Variants in AUTS2 observed in about 807,000 individuals in gnomAD.
AUTS2 encodes activator of transcription and developmental regulator AUTS2.
AUTS2 carries 17 observed loss-of-function variants against 112.4 expected under a neutral mutation model. The observed-to-expected ratio is 0.15, with a 90% CI of 0.10 to 0.23. The LOEUF (loss-of-function observed/expected upper bound fraction) is 0.23. AUTS2 is among the 10% of genes least tolerant of loss of function. The pLI, the probability that AUTS2 is intolerant of heterozygous loss-of-function variation, is 1.00. For missense variants in AUTS2, 1,510 were observed against 1,701.6 expected (o/e 0.89, Z 1.98); for synonymous variants, 751 against 702.7 (o/e 1.07, Z -1.09).
At chr7:69,882,911 C>G (rs1350477926) in intron 1 of AUTS2, among the ~76,000 whole-genome samples, 5 of 152,064 alleles carry the variant, frequency 3.3e-5, no homozygotes, top group Admixed American at 6.6e-5. Flanking sequence ...AATGACTTAC[C>G]AGTCATTAAT....
chr7:69,887,511 C>T lies in AUTS2; in HGVS notation c.310-11775C>T, dbSNP rs1794330037. ...AGGACAGAGAAGTAATCATTTTACA[C>T]TTATCACTTACGGTAACTACAATAG... is the stretch of plus-strand genomic sequence containing the variant. On this transcript the variant is annotated intron_variant, in intron 1 of 18. Coordinates refer to ENST00000342771, the MANE Select transcript of AUTS2 (RefSeq NM_015570.4). 2.0e-5 allele frequency among the ~76,000 whole-genome samples: 3 copies of T among 151,588 alleles called. 1 individual carries two copies. In the South Asian group the frequency reaches 6.3e-4, roughly 32 times the overall value.
intron 4 of AUTS2, among the ~76,000 whole-genome samples, chr7:70,242,182 G>A (rs951380054): frequency 6.6e-6 from 1 of 152,292 alleles, no homozygotes; most frequent in Admixed American, 6.5e-5. Context: ...CACCTCAGGT[G>A]GTTGCCCGTG....
chr7:70,789,920 A>G lies in AUTS2; in HGVS notation c.2704A>G (p.Lys902Glu). Residue 902 changes from lysine (K) to glutamate (E), a missense_variant, in exon 19 of 19, where the codon AAG becomes GAG. This residue lies in a region of AUTS2 where 788 missense variants were observed against 797.6 expected (regional missense o/e 0.99). Coordinates refer to ENST00000342771, the MANE Select transcript of AUTS2 (RefSeq NM_015570.4). Reference protein sequence around the residue: ...ERERDHSESRKDLAADEHKAK... With the variant: ...ERERDHSESREDLAADEHKAK... ...GGAGAGAGACCACTCGGAATCCCGC[A>G]AGGACCTGGCCGCCGACGAGCACAA... 1 of 1,614,054 alleles carries G rather than the reference A, an allele frequency of 6.2e-7. No homozygotes were observed.
At chr7:69,987,309 A>G (rs904891701) in intron 2 of AUTS2, among the ~76,000 whole-genome samples, 5 of 152,346 alleles carry the variant, frequency 3.3e-5, no homozygotes, top group South Asian at 4.1e-4. Context: ...TTGAGCTTCT[A>G]TTGAATCCTA....
intron 4 of AUTS2, among the ~76,000 whole-genome samples, chr7:70,280,386 C>T (rs1220363537): frequency 6.7e-6 from 1 of 149,080 alleles, no homozygotes; most frequent in South Asian, 2.1e-4. Flanking sequence ...CGGGTTCAAG[C>T]GATTCTCATG....
At chr7:69,687,727 C>T (rs1191105604) in intron 1 of AUTS2, among the ~76,000 whole-genome samples, 6 of 152,102 alleles carry the variant, frequency 3.9e-5, no homozygotes, top group Admixed American at 6.5e-5. Flanking sequence ...CATCCTAACG[C>T]GTATGATAAC....
Position 69,987,402 on chromosome 7 carries a change from A to G in AUTS2, c.522+87904A>G, listed in dbSNP as rs563696587. The stretch of plus-strand genomic sequence containing the variant: ...GACTGCATTAGATAGTATTGAATAA[A>G]TATTAAATAACCTCTTGAGTGTGTT... On this transcript the variant is annotated intron_variant, in intron 2 of 18. Transcript: ENST00000342771. Among the ~76,000 whole-genome samples the G allele has an allele frequency of 3.3e-5, 5 of 152,358 alleles. No homozygotes were observed. In the East Asian group the frequency reaches 9.6e-4, roughly 29 times the overall value.
At chr7:70,418,783 G>A (rs1795094371) in intron 4 of AUTS2, among the ~76,000 whole-genome samples, 1 of 151,564 alleles carries the variant, frequency 6.6e-6, no homozygotes, top group South Asian at 2.1e-4. Context: ...TAAATGTAAA[G>A]ATGAAAATAA....
At chr7:70,149,538 C>A (rs1275354614) in intron 4 of AUTS2, among the ~76,000 whole-genome samples, 1 of 152,022 alleles carries the variant, frequency 6.6e-6, no homozygotes, top group African/African-American at 2.4e-5. Context: ...TAGAGGAGAT[C>A]ATGAATAAAC....
chr7:70,690,487 G>C (rs1397329324), intron 5 of AUTS2, among the ~76,000 whole-genome samples: 1 of 152,158 alleles, frequency 6.6e-6, no homozygotes. Flanking sequence ...TGCGCTGTTA[G>C]AGTGCCTGAA....
At chr7:70,655,556 A>G (rs1206774158) in intron 5 of AUTS2, among the ~76,000 whole-genome samples, 1 of 152,206 alleles carries the variant, frequency 6.6e-6, no homozygotes, top group Non-Finnish European at 1.5e-5. Flanking sequence ...GGGTGAGCAT[A>G]AACAGAGGGG....
intron 2 of AUTS2, among the ~76,000 whole-genome samples, chr7:69,944,945 T>G (rs1014539766): frequency 1.3e-5 from 2 of 152,144 alleles, no homozygotes; most frequent in African/African-American, 2.4e-5. Flanking sequence ...AGCAGTTGTA[T>G]GTAGGTAAAA....
chr7:70,780,602 C>A (rs958160030), intron 14 of AUTS2, among the ~76,000 whole-genome samples: 3 of 152,158 alleles, frequency 2.0e-5, no homozygotes, highest in Admixed American at 2.0e-4. Context: ...CCTTCAACTC[C>A]TGAGCTCAGG....
At chr7:69,847,857 CTGCTCT>C (rs151266042) in intron 1 of AUTS2, among the ~76,000 whole-genome samples, 2 of 152,230 alleles carry the variant, frequency 1.3e-5, no homozygotes. Context: ...GAAAACAGCT[CTGCTCT>C]TGCTCTTGCT....
intron 4 of AUTS2, among the ~76,000 whole-genome samples, chr7:70,149,840 A>G (rs151096838): frequency 1.6e-4 from 24 of 152,236 alleles, no homozygotes; most frequent in Non-Finnish European, 3.1e-4. Flanking sequence ...AGTAAGAAGC[A>G]TAATTACTAT....
At chr7:70,268,007 T>A (rs1465697670) in intron 4 of AUTS2, among the ~76,000 whole-genome samples, 4 of 152,148 alleles carry the variant, frequency 2.6e-5, no homozygotes, top group Non-Finnish European at 2.9e-5. Context: ...ATTCCTCTAA[T>A]TAGGTGATGT....
intron 2 of AUTS2, among the ~76,000 whole-genome samples, chr7:69,935,926 A>C (rs1370132551): frequency 6.6e-6 from 1 of 152,176 alleles, no homozygotes; most frequent in African/African-American, 2.4e-5. Context: ...ACCTACTGTT[A>C]CCTGCTAAAA....
At chr7:70,162,444 TC>T (rs1808135052) in intron 4 of AUTS2, among the ~76,000 whole-genome samples, 1 of 36,152 alleles carries the variant, frequency 2.8e-5, no homozygotes, top group Non-Finnish European at 4.3e-5. Flanking sequence ...AGACTCCGTC[TC>T]AAAAAAAAAA....
At chr7:69,603,020 G>A (rs1011231337) in intron 1 of AUTS2, among the ~76,000 whole-genome samples, 1 of 152,234 alleles carries the variant, frequency 6.6e-6, no homozygotes, top group African/African-American at 2.4e-5. Flanking sequence ...ACAAAAATGT[G>A]TGTTGGGGGA....
Sources: allele counts gnomAD v4.1 joint callset (sites outside exome capture counted in the v4.1 genomes callset), GRCh38; gene constraint gnomAD v4.1.1; regional missense constraint gnomAD v4.1.1; transcripts MANE v1.5; gene names NCBI Gene and HGNC (gene_info 2026-07-23, HGNC 2026-07-21).